PTPRM: variants seen among roughly 807,000 people sequenced by gnomAD.
PTPRM encodes receptor-type tyrosine-protein phosphatase mu.
A neutral mutation model predicts 186.7 loss-of-function variants in PTPRM; 47 were observed. That is an observed-to-expected ratio of 0.25 (90% CI 0.20 to 0.32). The LOEUF is 0.32. Ranked by LOEUF, PTPRM falls within the 10% of genes least tolerant of loss-of-function variation. The pLI is 1.00. For synonymous variants in PTPRM, 668 were observed against 674.9 expected, an observed-to-expected ratio of 0.99 and a Z score of 0.16; for missense variants, 1,494 against 1,865.0, an observed-to-expected ratio of 0.80 and a Z score of 3.66.
At chr18:8,183,546 G>A (rs577343103) in intron 14 of PTPRM, among the ~76,000 whole-genome samples, 7 of 152,206 alleles carry the variant, frequency 4.6e-5, no homozygotes, top group South Asian at 4.1e-4. Context: ...CTCCTCCTTC[G>A]TTCATTCTCC....
intron 2 of PTPRM, among the ~76,000 whole-genome samples, chr18:7,786,795 T>C (rs950559728): frequency 6.6e-6 from 1 of 152,216 alleles, no homozygotes; most frequent in African/African-American, 2.4e-5. Flanking sequence ...TGCCAGTAGG[T>C]CAACCACTGA....
At chr18:7,900,304 G>C (rs777474169) in intron 3 of PTPRM, among the ~76,000 whole-genome samples, 2 of 152,128 alleles carry the variant, frequency 1.3e-5, no homozygotes, top group Admixed American at 6.5e-5. Flanking sequence ...TAATTCTCTT[G>C]TATCACAAAA....
At chr18:8,080,181 A>G (rs939246696) in intron 9 of PTPRM, among the ~76,000 whole-genome samples, 2 of 152,136 alleles carry the variant, frequency 1.3e-5, no homozygotes, top group Non-Finnish European at 2.9e-5. Flanking sequence ...TTTTGTAGGC[A>G]ATTAGGGAGA....
chr18:8,189,230 T>C (rs2093679336), intron 14 of PTPRM, among the ~76,000 whole-genome samples: 1 of 151,284 alleles, frequency 6.6e-6, no homozygotes, highest in South Asian at 2.1e-4. Flanking sequence ...AGGCTGAGGC[T>C]TCAGTGAGCC....
chr18:7,885,372 C>T (rs2048731521), intron 2 of PTPRM, among the ~76,000 whole-genome samples: 1 of 152,096 alleles, frequency 6.6e-6, no homozygotes, highest in African/African-American at 2.4e-5. Flanking sequence ...GGAATGAAAC[C>T]ACCAAACCCC....
chr18:7,857,229 C>T (rs2047140628), intron 2 of PTPRM, among the ~76,000 whole-genome samples: 2 of 152,002 alleles, frequency 1.3e-5, no homozygotes, highest in Admixed American at 1.3e-4. Context: ...GAGCTCAGTT[C>T]GAAGGGTCCT....
intron 14 of PTPRM, among the ~76,000 whole-genome samples, chr18:8,214,076 A>G (rs1355095858): frequency 6.6e-6 from 1 of 152,172 alleles, no homozygotes. Flanking sequence ...GCAAAAGCAG[A>G]CAGAATGGTA....
At chr18:8,155,069 C>T (rs767924818) in intron 14 of PTPRM, 12 of 151,956 alleles carry the variant, frequency 7.9e-5, no homozygotes, top group Admixed American at 1.3e-4. Context: ...TACAGAACCA[C>T]GGGGCAATGT....
chr18:7,896,634 T>A (rs1276794496), intron 3 of PTPRM, among the ~76,000 whole-genome samples: 1 of 152,206 alleles, frequency 6.6e-6, no homozygotes, highest in Non-Finnish European at 1.5e-5. Context: ...TATGAGAGCC[T>A]TGTGGGTTCA....
At chr18:7,697,209 C>G (rs927906430) in intron 1 of PTPRM, among the ~76,000 whole-genome samples, 1 of 152,146 alleles carries the variant, frequency 6.6e-6, no homozygotes, top group Non-Finnish European at 1.5e-5. Flanking sequence ...CTTCCCAGAA[C>G]TGATTTTAGT....
intron 19 of PTPRM, among the ~76,000 whole-genome samples, chr18:8,289,559 T>TAC (rs201042014): frequency 5.9e-5 from 6 of 101,176 alleles, no homozygotes; most frequent in African/African-American, 2.3e-4. Flanking sequence ...TACATATATA[T>TAC]ACACATATAT....
At chr18:7,652,593 G>A (rs1321812110) in intron 1 of PTPRM, among the ~76,000 whole-genome samples, 1 of 151,848 alleles carries the variant, frequency 6.6e-6, no homozygotes, top group African/African-American at 2.4e-5. Flanking sequence ...ATGAGTTCAT[G>A]TCCTTTGTAG....
intron 2 of PTPRM, among the ~76,000 whole-genome samples, chr18:7,802,894 A>G (rs1384893257): frequency 1.3e-5 from 2 of 152,192 alleles, no homozygotes; most frequent in African/African-American, 4.8e-5. Context: ...GTTACAGTTT[A>G]CTGGGGATAT....
chr18:8,301,870 A>G (rs1338683295), intron 20 of PTPRM, among the ~76,000 whole-genome samples: 1 of 152,228 alleles, frequency 6.6e-6, no homozygotes, highest in Non-Finnish European at 1.5e-5. Context: ...GTGGTCAAGA[A>G]AAGCCTCCCA....
At chr18:7,701,580 C>G (rs911479735) in intron 1 of PTPRM, among the ~76,000 whole-genome samples, 3 of 151,932 alleles carry the variant, frequency 2.0e-5, no homozygotes, top group Admixed American at 6.6e-5. Context: ...AGCCTGGTGA[C>G]AGAGGGAGAC....
chr18:8,269,979 T>A (rs2094750039), intron 19 of PTPRM: 1 of 151,956 alleles, frequency 6.6e-6, no homozygotes, highest in Admixed American at 6.6e-5. Flanking sequence ...TGGCAATGTT[T>A]TTTTCTTTGT....
Position 8,378,321 on chromosome 18 carries a change from C to G in PTPRM, c.3519C>G (p.Thr1173=). The G allele has an allele frequency of 3.1e-6, 5 of 1,613,070 alleles. No individual in the cohort carries two copies. Among genetic ancestry groups the G allele is most frequent in the Non-Finnish European group, 4.2e-6 (5 of 1,179,034 alleles). The part of the protein sequence containing the change: ...AILEACLCGD[T]SVPASQVRSL... ...TGGAAGCCTGTCTTTGTGGGGACAC[C>G]TCTGTGCCTGCTTCCCAAGTTAGGT... is the stretch of plus-strand genomic sequence containing the variant. Residue 1173 remains threonine, a synonymous_variant, in exon 27 of 33, where the codon ACC becomes ACG. Transcript: ENST00000580170.
At chr18:7,720,463 T>G (rs2144853768) in intron 1 of PTPRM, among the ~76,000 whole-genome samples, 1 of 152,280 alleles carries the variant, frequency 6.6e-6, no homozygotes, top group South Asian at 2.1e-4. Context: ...CTTAAAAAAA[T>G]TAATAGACTA....
intron 1 of PTPRM, among the ~76,000 whole-genome samples, chr18:7,730,588 G>A (rs1479737491): frequency 3.9e-5 from 6 of 152,238 alleles, no homozygotes; most frequent in South Asian, 2.1e-4. Context: ...CTCTTCATTC[G>A]AATTTAGAAT....
Sources: gnomAD v4.1 joint callset for allele counts (sites outside exome capture counted in the v4.1 genomes callset) on GRCh38, gnomAD v4.1.1 for gene constraint, MANE v1.5 for transcripts, NCBI Gene and HGNC (gene_info 2026-07-23, HGNC 2026-07-21) for gene names.